The following LRTM1 variants were observed in gnomAD, a reference collection of about 807,000 sequenced individuals.
The protein encoded by LRTM1 is leucine rich repeat transmembrane protein 1.
In LRTM1, 38 loss-of-function variants were observed where a neutral mutation model predicts 32.4. The observed-to-expected ratio is 1.17, with a 90% CI of 0.91 to 1.54. LRTM1 has a LOEUF of 1.54. Among genes scored for constraint, LRTM1 ranks in the 40% most tolerant of loss-of-function variants. The probability of loss-of-function intolerance (pLI) is 0.00; values close to 1 mark genes in which losing one functional copy is unlikely to be tolerated. For synonymous variants in LRTM1, 186 were observed against 169.9 expected, an observed-to-expected ratio of 1.09 and a Z score of -0.74; for missense variants, 466 against 415.4, an observed-to-expected ratio of 1.12 and a Z score of -1.06.
At chr3:54,935,639 G>A (rs977011883) in intron 1 of LRTM1, among the ~76,000 whole-genome samples, 13 of 152,220 alleles carry the variant, frequency 8.5e-5, no homozygotes, top group African/African-American at 3.1e-4. Context: ...CACATGAAAT[G>A]AGTGTTTTTT....
chr3:54,927,866 A>G (rs558483606), intron 1 of LRTM1, 39 bp downstream of exon 1: 2 of 1,612,176 alleles, frequency 1.2e-6, no homozygotes, highest in African/African-American at 2.7e-5. Context: ...TCTTTCTCCC[A>G]GACAAGAACT....
chr3:54,923,865 T>G (rs1242635722), intron 2 of LRTM1, among the ~76,000 whole-genome samples: 1 of 152,222 alleles, frequency 6.6e-6, no homozygotes, highest in African/African-American at 2.4e-5. Context: ...AAGGGCCAGA[T>G]AGACAATACA....
chr3:54,957,560 C>T (rs192405151), intron 1 of LRTM1, among the ~76,000 whole-genome samples: 2 of 152,312 alleles, frequency 1.3e-5, no homozygotes, highest in African/African-American at 4.8e-5. Flanking sequence ...CATGTTCAAA[C>T]TTATCAAACT....
intron 1 of LRTM1, among the ~76,000 whole-genome samples, chr3:54,954,171 C>T (rs1465261567): frequency 1.3e-5 from 2 of 152,140 alleles, no homozygotes; most frequent in South Asian, 2.1e-4. Context: ...GTCACCCAGT[C>T]GCATCTGGTC....
intron 1 of LRTM1, among the ~76,000 whole-genome samples, chr3:54,952,300 C>G (rs1396300957): frequency 6.6e-6 from 1 of 152,196 alleles, no homozygotes; most frequent in African/African-American, 2.4e-5. Context: ...CCCCCCAGGG[C>G]TCTGATCTCT....
At chr3:54,932,850 G>A (rs927527207), upstream of LRTM1, among the ~76,000 whole-genome samples, 1 of 152,176 alleles carries the variant, frequency 6.6e-6, no homozygotes. Context: ...CTGCAGCCAG[G>A]AATAGTGGGG....
chr3:54,952,935 T>G (rs987411414), intron 1 of LRTM1, among the ~76,000 whole-genome samples: 2 of 152,106 alleles, frequency 1.3e-5, no homozygotes, highest in Non-Finnish European at 2.9e-5. Context: ...GGAGGAAACT[T>G]TTCATAGGGA....
In LRTM1 at chr3:54,953,438, TC is replaced by T; in HGVS notation, c.-222+13489del. 1.3e-5 allele frequency among the ~76,000 whole-genome samples: 2 copies of T among 152,200 alleles called. 1 individual carries two copies. The highest frequency in any genetic ancestry group is 4.2e-4 in the South Asian group (2 of 4,814). The stretch of plus-strand genomic sequence containing the variant: ...GTGAGACTCATGAAATTCCCCACCC[TC>T]AGTACAGATAGCACTGGGCCAAGAT... On this transcript the variant is annotated intron_variant, in intron 1 of 2. Coordinates refer to the LRTM1 transcript ENST00000493075.
intron 1 of LRTM1, among the ~76,000 whole-genome samples, chr3:54,957,310 C>A (rs1701923743): frequency 6.6e-6 from 1 of 151,704 alleles, no homozygotes; most frequent in African/African-American, 2.4e-5. Context: ...CTGCACTCAG[C>A]TAATTTTTTA....
intron 2 of LRTM1, 68 bp downstream of exon 2, chr3:54,924,551 G>A (rs1267132722): frequency 7.8e-7 from 1 of 1,278,640 alleles, no homozygotes; most frequent in Non-Finnish European, 1.1e-6. Flanking sequence ...TTCTAATGCA[G>A]AGAACAGATG....
chr3:54,918,968 C>T, intron 2 of LRTM1, 76 bp from the exon 3 acceptor site: 3 of 1,251,886 alleles, frequency 2.4e-6, no homozygotes, highest in Non-Finnish European at 3.2e-6. Context: ...CCTGCAAAAA[C>T]TTAGGCAGAT....
Position 54,918,663 on chromosome 3 carries a change from C to A in LRTM1, c.834G>T (p.Arg278Ser), listed in dbSNP as rs768279282. The stretch of plus-strand genomic sequence containing the variant: ...CAATGGCATGACGCAGGTTGGCCGG[C>A]CTTGGCTTGGGTTTGAGCTCGCACT... ...LLECELKPKP[R>S]PANLRHAIAT... Residue 278 changes from arginine (R) to serine (S), a missense_variant, in exon 3 of 3, where the codon AGG becomes AGT. Transcript: ENST00000273286. 2 of 1,614,150 alleles carry A rather than the reference C, an allele frequency of 1.2e-6. No homozygotes were observed. Among genetic ancestry groups the A allele is most frequent in the South Asian group, 1.1e-5 (1 of 91,074 alleles).
intron 1 of LRTM1, 68 bp from the exon 2 acceptor site, chr3:54,925,283 C>G: frequency 2.3e-6 from 3 of 1,326,652 alleles, no homozygotes; most frequent in Non-Finnish European, 3.1e-6. Flanking sequence ...ACTTTTCCGC[C>G]TTTGAATTTA....
intron 1 of LRTM1, among the ~76,000 whole-genome samples, chr3:54,950,804 C>T (rs748753207): frequency 3.0e-4 from 46 of 152,068 alleles, no homozygotes; most frequent in African/African-American, 8.0e-4. Flanking sequence ...CGGGAAGGGA[C>T]GCACAGAGGA....
At chr3:54,953,873 T>C (rs992380752) in intron 1 of LRTM1, among the ~76,000 whole-genome samples, 5 of 152,176 alleles carry the variant, frequency 3.3e-5, no homozygotes, top group Non-Finnish European at 5.9e-5. Flanking sequence ...GGCCTGGGAC[T>C]TGGAGTCTGA....
intron 1 of LRTM1, among the ~76,000 whole-genome samples, chr3:54,933,532 A>C (rs181797484): frequency 4.6e-5 from 7 of 152,214 alleles, no homozygotes; most frequent in African/African-American, 1.7e-4. Flanking sequence ...ACAGCAAGAG[A>C]TGCTGGGAAA....
chr3:54,919,245 A>G (rs537550503), intron 2 of LRTM1, among the ~76,000 whole-genome samples: 8 of 152,346 alleles, frequency 5.3e-5, no homozygotes, highest in Non-Finnish European at 8.8e-5. Flanking sequence ...CGTGCCACGC[A>G]TGGTCCTAGT....
chr3:54,957,141 A>T (rs1463597999), intron 1 of LRTM1, among the ~76,000 whole-genome samples: 1 of 149,918 alleles, frequency 6.7e-6, no homozygotes, highest in Non-Finnish European at 1.5e-5. Context: ...TATAATTCCT[A>T]TGAATCAAGT....
Position 54,918,743 on chromosome 3 carries a change from C to T in LRTM1, c.754G>A (p.Gly252Ser), listed in dbSNP as rs79973856. 9.3e-6 allele frequency: 15 copies of T among 1,614,132 alleles called. No homozygotes were observed. In the African/African-American group the frequency reaches 1.1e-4, roughly 11 times the overall value. The change falls in exon 3 of 3, where the codon GGT becomes AGT. Residue 252 changes from glycine (G) to serine (S), a missense_variant. Gly to Ser is a moderately conservative substitution (Grantham distance 56, BLOSUM62 0). Coordinates refer to ENST00000273286, the MANE Select transcript of LRTM1 (RefSeq NM_020678.4). ...TTCTCAGGAGGCCTCAGGACCACAC[C>T]GTGGGCAGAGCCGGGCCACTGAGCC... ...SQAQWPGSAH[G>S]VVLRPPENHN...
Sources: allele counts gnomAD v4.1 joint callset (sites outside exome capture counted in the v4.1 genomes callset), GRCh38; gene constraint gnomAD v4.1.1; transcripts MANE v1.5; gene names NCBI Gene and HGNC (gene_info 2026-07-23, HGNC 2026-07-21).